The following ANKFY1 variants were observed in gnomAD, a reference collection of about 807,000 sequenced individuals.
ANKFY1 encodes ankyrin repeat and FYVE domain-containing protein 1.
A neutral mutation model predicts 128.3 loss-of-function variants in ANKFY1; 47 were observed. That is an observed-to-expected ratio of 0.37 (90% CI 0.29 to 0.47). The LOEUF (loss-of-function observed/expected upper bound fraction) is 0.47. Ranked by LOEUF, ANKFY1 falls within the 20% of genes least tolerant of loss-of-function variation. The pLI is 1.00. For missense variants in ANKFY1, 1,222 were observed against 1,510.6 expected (o/e 0.81, Z 3.17); for synonymous variants, 553 against 601.6 (o/e 0.92, Z 1.18).
At chr17:4,242,487 TG>T in intron 1 of ANKFY1, 39 bp from the exon 2 acceptor site, 1 of 1,492,302 alleles carries the variant, frequency 6.7e-7, no homozygotes, top group Non-Finnish European at 8.9e-7. Flanking sequence ...CCGTGGCTGC[TG>T]GAAAGCAGGT....
chr17:4,173,243 C>G, intron 21 of ANKFY1, 111 bp downstream of exon 21: 1 of 938,548 alleles, frequency 1.1e-6, no homozygotes, highest in South Asian at 1.3e-5. Context: ...TGAGGTGCCC[C>G]AGCGGCCGGT....
chr17:4,209,892 G>A lies in ANKFY1; in HGVS notation c.514C>T (p.Gln172Ter). The A allele has an allele frequency of 1.2e-6, 2 of 1,614,008 alleles. No individual in the cohort carries two copies. Among genetic ancestry groups the A allele is most frequent in the Non-Finnish European group, 1.7e-6 (2 of 1,179,904 alleles). ...VNVRNCIRFY[Q>*]TAEELNASTL... ...CTGGCATTCAGCTCCTCTGCCGTCT[G>A]GTAGAAGCGAATACAGTTCCTGACA... is the stretch of plus-strand genomic sequence containing the variant. The change falls in exon 5 of 25, where the codon CAG becomes TAG. Residue 172 changes from glutamine (Q) to a stop codon, truncating the protein, a stop_gained. Transcript: ENST00000341657. LOFTEE classifies it high-confidence loss of function.
In ANKFY1 at chr17:4,170,857, C is replaced by G; in HGVS notation, c.3144G>C (p.Leu1048=). Residue 1048 remains leucine (L), a synonymous_variant, in exon 23 of 25, where the codon CTG becomes CTC. Transcript: ENST00000341657. ...DKPDADGSTV[L]LLAYMKGNAN... is the part of the protein sequence containing the mutation. ...CGTTCCCTTTCATGTATGCCAGGAG[C>G]AGCACTGGAAAACAAAAGCACGCGC... 1 of 1,614,194 alleles carries G rather than the reference C, an allele frequency of 6.2e-7. No individual in the cohort carries two copies. The highest frequency in any genetic ancestry group is 8.5e-7 in the Non-Finnish European group (1 of 1,180,044).
intron 3 of ANKFY1, chr17:4,222,609 C>T (rs956469530): frequency 5.4e-6 from 6 of 1,119,496 alleles, no homozygotes; most frequent in Non-Finnish European, 8.1e-6. Flanking sequence ...ACTTGACAGT[C>T]AATTCTTCAA....
chr17:4,220,333 G>A (rs2143057590), intron 3 of ANKFY1, among the ~76,000 whole-genome samples: 1 of 152,262 alleles, frequency 6.6e-6, no homozygotes, highest in Admixed American at 6.5e-5. Flanking sequence ...CAAAAAAAAT[G>A]TAGGCCATGT....
Position 4,177,154 on chromosome 17 carries a change from G to T in ANKFY1, c.2747C>A (p.Ala916Glu). 1 of 1,595,996 alleles carries T rather than the reference G, an allele frequency of 6.3e-7. No individual in the cohort carries two copies. The highest frequency in any genetic ancestry group is 8.5e-7 in the Non-Finnish European group (1 of 1,171,700). ...ATTGCGGACAATAATTTCTGAGCCT[G>T]CTTGGACAGCGAGGTGCAGGGGGGT... is the stretch of plus-strand genomic sequence containing the variant. ...KLTPLHLAVQ[A>E]GSEIIVRNLL... The change falls in exon 19 of 25, where the codon GCA becomes GAA. Residue 916 changes from alanine to glutamate, a missense_variant. Ala to Glu is a moderately radical substitution (Grantham distance 107). Transcript: ENST00000341657.
intron 10 of ANKFY1, chr17:4,191,145 A>G (rs1454919677): frequency 2.0e-5 from 3 of 152,264 alleles, no homozygotes; most frequent in African/African-American, 7.2e-5. Context: ...CAAAACAAAC[A>G]AACAAAAAGA....
chr17:4,199,075 G>A (rs887751737), intron 7 of ANKFY1, among the ~76,000 whole-genome samples: 1 of 152,172 alleles, frequency 6.6e-6, no homozygotes, highest in Non-Finnish European at 1.5e-5. Flanking sequence ...TGGGAGGATC[G>A]CTTGAGCCCC....
At chr17:4,174,142 C>T (rs986178102) in intron 19 of ANKFY1, 86 bp from the exon 20 acceptor site, 1 of 1,503,484 alleles carries the variant, frequency 6.7e-7, no homozygotes, top group Admixed American at 1.8e-5. Flanking sequence ...TGTCTTCTGA[C>T]ACCCACAGAG....
chr17:4,240,266 A>G (rs1264777921), intron 2 of ANKFY1, among the ~76,000 whole-genome samples: 1 of 151,326 alleles, frequency 6.6e-6, no homozygotes, highest in African/African-American at 2.4e-5. Context: ...GGGTTTCACC[A>G]TGTTAGCCAG....
At chr17:4,247,271 T>C (rs1967593887) in intron 1 of ANKFY1, among the ~76,000 whole-genome samples, 1 of 152,196 alleles carries the variant, frequency 6.6e-6, no homozygotes, top group Non-Finnish European at 1.5e-5. Flanking sequence ...TTTCCTTAAA[T>C]ATCAGTTATA....
chr17:4,194,608 C>A, intron 10 of ANKFY1: 1 of 249,522 alleles, frequency 4.0e-6, no homozygotes, highest in Non-Finnish European at 7.9e-6. Context: ...CAAGGAAATA[C>A]ATTAAAACAG....
chr17:4,263,127 T>G (rs2143616929), intron 1 of ANKFY1, among the ~76,000 whole-genome samples: 1 of 152,322 alleles, frequency 6.6e-6, no homozygotes, highest in East Asian at 1.9e-4. Flanking sequence ...TCTCTGGGCC[T>G]TCTTTCCCCC....
At chr17:4,225,026 T>C (rs1337411648) in intron 3 of ANKFY1, among the ~76,000 whole-genome samples, 1 of 149,368 alleles carries the variant, frequency 6.7e-6, no homozygotes, top group Admixed American at 6.8e-5. Flanking sequence ...TTTTAAACAC[T>C]TGAAAAATTA....
rs534467920 is a variant in ANKFY1 at position 4,164,467 on chromosome 17, T to C, written c.*3312A>G. On this transcript the variant is annotated 3_prime_UTR_variant, in exon 25 of 25. Transcript: ENST00000341657. ...CCACCTGCTTCCTCTGCCACCAGGCTGGGGTGGGGAGCTTTGGTGCTTCAG... is the reference window on the plus strand; with the variant it reads ...CCACCTGCTTCCTCTGCCACCAGGCCGGGGTGGGGAGCTTTGGTGCTTCAG... 1 of 152,618 alleles carries C rather than the reference T, an allele frequency of 6.6e-6. No individual in the cohort carries two copies. The highest frequency in any genetic ancestry group is 1.9e-4 in the East Asian group (1 of 5,190). 9.5% of individuals were successfully genotyped at this position (152,618 alleles called of 1,614,324 possible).
rs1308163276 is a variant in ANKFY1, at chr17:4,242,248, T to A, written c.203+8A>T. ...CAAAGGGCCTTCTGTGTCTAGGAGC[T>A]CTCCCACCTGTACTGCTCCTGCTCG... On this transcript the variant is annotated splice_region_variant and intron_variant, in intron 2 of 24. Transcript: ENST00000341657. The A allele has an allele frequency of 4.0e-6, 6 of 1,517,742 alleles. No individual in the cohort carries two copies. The highest frequency in any genetic ancestry group is 8.8e-7 in the Non-Finnish European group (1 of 1,138,850). 94.0% of individuals were successfully genotyped at this position (1,517,742 alleles called of 1,614,324 possible).
intron 3 of ANKFY1, among the ~76,000 whole-genome samples, chr17:4,227,854 A>C (rs2060450288): frequency 6.6e-6 from 1 of 152,198 alleles, no homozygotes; most frequent in South Asian, 2.1e-4. Context: ...AAACCAAAAC[A>C]ACCTGCCTAT....
intron 17 of ANKFY1, 82 bp downstream of exon 17, chr17:4,179,639 T>G: frequency 6.6e-7 from 1 of 1,526,434 alleles, no homozygotes; most frequent in Non-Finnish European, 8.8e-7. Flanking sequence ...AACTGGGGAC[T>G]GTGCAAGGTC....
chr17:4,221,968 G>A (rs374242917), intron 3 of ANKFY1: 1 of 152,212 alleles, frequency 6.6e-6, no homozygotes, highest in African/African-American at 2.4e-5. Context: ...CCCCTATTCC[G>A]GACGATGCCG....
Sources: allele counts gnomAD v4.1 joint callset (sites outside exome capture counted in the v4.1 genomes callset), GRCh38; gene constraint gnomAD v4.1.1; transcripts MANE v1.5; gene names NCBI Gene and HGNC (gene_info 2026-07-23, HGNC 2026-07-21).